CLASP1: variants seen among roughly 807,000 people sequenced by gnomAD.
CLASP1 encodes cytoplasmic linker associated protein 1, also known as CLIP-associating protein 1.
CLASP1 carries 38 observed loss-of-function variants against 192.3 expected under a neutral mutation model. The observed-to-expected ratio is 0.20, with a 90% confidence interval of 0.15 to 0.26. The LOEUF is 0.26. Ranked by LOEUF, CLASP1 falls within the 10% of genes least tolerant of loss-of-function variation. The pLI, the probability that CLASP1 is intolerant of heterozygous loss-of-function variation, is 1.00. For synonymous variants in CLASP1, 691 were observed against 712.8 expected, an observed-to-expected ratio of 0.97 and a Z score of 0.49; for missense variants, 1,433 against 1,932.5, an observed-to-expected ratio of 0.74 and a Z score of 4.85.
chr2:121,479,047 AC>A (rs1325501819), intron 8 of CLASP1, among the ~76,000 whole-genome samples: 498 of 42,302 alleles, frequency 0.012, 50 homozygotes, highest in African/African-American at 0.053. Flanking sequence ...ACACACACAC[AC>A]CCCCCCCCCA....
intron 9 of CLASP1, among the ~76,000 whole-genome samples, chr2:121,463,928 C>T (rs187187822): frequency 6.6e-6 from 1 of 151,904 alleles, no homozygotes; most frequent in African/African-American, 2.4e-5. Flanking sequence ...ATGTGCCATG[C>T]TGGTGCGCTG....
intron 8 of CLASP1, among the ~76,000 whole-genome samples, chr2:121,479,819 G>C (rs1202250774): frequency 6.6e-6 from 1 of 152,018 alleles, no homozygotes; most frequent in African/African-American, 2.4e-5. Context: ...CCCTCTCCCT[G>C]TTTACAAAAT....
chr2:121,583,022 G>C (rs2061372486), intron 2 of CLASP1, among the ~76,000 whole-genome samples: 1 of 151,928 alleles, frequency 6.6e-6, no homozygotes, highest in South Asian at 2.1e-4. Context: ...CTGACCTCAA[G>C]TGATCCACCC....
At chr2:121,582,634 G>A (rs1296505159) in intron 2 of CLASP1, among the ~76,000 whole-genome samples, 1 of 146,210 alleles carries the variant, frequency 6.8e-6, no homozygotes, top group Non-Finnish European at 1.5e-5. Context: ...AGGGAAAGGG[G>A]AAGGGAGAGA....
intron 24 of CLASP1, among the ~76,000 whole-genome samples, chr2:121,410,618 G>A (rs1031000088): frequency 6.6e-6 from 1 of 152,110 alleles, no homozygotes; most frequent in Non-Finnish European, 1.5e-5. Context: ...CCTTGATACT[G>A]AAGAGCACAG....
chr2:121,510,995 C>T (rs115943435), intron 7 of CLASP1, among the ~76,000 whole-genome samples: 14 of 152,106 alleles, frequency 9.2e-5, no homozygotes, highest in African/African-American at 2.9e-4. Context: ...GTGAAGGCAG[C>T]CAGTTCAGGC....
At chr2:121,385,962 TCTAC>T (rs2073092777) in intron 32 of CLASP1, among the ~76,000 whole-genome samples, 1 of 152,210 alleles carries the variant, frequency 6.6e-6, no homozygotes, top group Admixed American at 6.5e-5. Flanking sequence ...CACATTGCAG[TCTAC>T]CTGAATATAG....
chr2:121,571,720 T>C (rs1217975831), intron 2 of CLASP1, among the ~76,000 whole-genome samples: 1 of 152,068 alleles, frequency 6.6e-6, no homozygotes, highest in Non-Finnish European at 1.5e-5. Context: ...AGGCAATCCA[T>C]ACCGAGGAAA....
intron 8 of CLASP1, 46 bp from the exon 9 acceptor site, chr2:121,470,006 T>A (rs745870564): frequency 1.9e-5 from 25 of 1,292,928 alleles, no homozygotes; most frequent in Non-Finnish European, 2.5e-5. Flanking sequence ...AAACAAAAAC[T>A]ATATATACAT....
At chr2:121,585,381 T>C (rs1252489260) in intron 2 of CLASP1, among the ~76,000 whole-genome samples, 4 of 151,936 alleles carry the variant, frequency 2.6e-5, no homozygotes, top group African/African-American at 9.7e-5. Flanking sequence ...TAGCCAGAGG[T>C]AGGTCATGAT....
At chr2:121,525,237 A>G (rs1013748739) in intron 6 of CLASP1, among the ~76,000 whole-genome samples, 3 of 152,140 alleles carry the variant, frequency 2.0e-5, no homozygotes, top group African/African-American at 7.2e-5. Flanking sequence ...TCCAGCCCAG[A>G]CTTGTACAAC....
chr2:121,542,039 C>G (rs2095245178), intron 2 of CLASP1, among the ~76,000 whole-genome samples: 1 of 152,122 alleles, frequency 6.6e-6, no homozygotes, highest in Non-Finnish European at 1.5e-5. Context: ...TGCAAGACAT[C>G]CAGGCACACG....
chr2:121,441,727 CA>C (rs1257710611), intron 19 of CLASP1, among the ~76,000 whole-genome samples: 1 of 151,536 alleles, frequency 6.6e-6, no homozygotes, highest in African/African-American at 2.4e-5. Flanking sequence ...GCCTGGGTAA[CA>C]AATGAGACCC....
intron 30 of CLASP1, among the ~76,000 whole-genome samples, chr2:121,389,232 C>T (rs1328010883): frequency 6.6e-6 from 1 of 152,006 alleles, no homozygotes; most frequent in African/African-American, 2.4e-5. Flanking sequence ...GTCATTAATA[C>T]CTTTTCCACC....
At chr2:121,373,743 T>G (rs912278256) in intron 34 of CLASP1, among the ~76,000 whole-genome samples, 16 of 152,124 alleles carry the variant, frequency 1.1e-4, no homozygotes, top group Admixed American at 9.8e-4. Flanking sequence ...ACTTTGAAGT[T>G]GAGAGAGATG....
At chr2:121,404,563 C>T (rs1222348237) in intron 25 of CLASP1, 129 bp from the exon 27 acceptor site, 2 of 819,200 alleles carry the variant, frequency 2.4e-6, no homozygotes, top group East Asian at 2.7e-5. Flanking sequence ...ATCTCCCAAG[C>T]TCAAGTGATC....
intron 34 of CLASP1, among the ~76,000 whole-genome samples, chr2:121,369,710 A>G (rs545480929): frequency 6.6e-6 from 1 of 152,304 alleles, no homozygotes; most frequent in East Asian, 1.9e-4. Context: ...AGTTTTTGTA[A>G]CCACCATGTT....
intron 1 of CLASP1, among the ~76,000 whole-genome samples, chr2:121,636,174 TA>T (rs2070812249): frequency 6.6e-6 from 1 of 150,772 alleles, no homozygotes; most frequent in Non-Finnish European, 1.5e-5. Context: ...CGGTCTCTAC[TA>T]AAAACACAAA....
intron 25 of CLASP1, among the ~76,000 whole-genome samples, chr2:121,406,690 T>C (rs2076955305): frequency 6.6e-6 from 1 of 152,238 alleles, no homozygotes; most frequent in East Asian, 1.9e-4. Flanking sequence ...TCTGGGCTCA[T>C]GTGATCCTCC....
Sources: gnomAD v4.1 joint callset for allele counts (sites outside exome capture counted in the v4.1 genomes callset) on GRCh38, gnomAD v4.1.1 for gene constraint, MANE v1.5 for transcripts, NCBI Gene and HGNC (gene_info 2026-07-23, HGNC 2026-07-21) for gene names.